The following NLGN1 variants were observed in gnomAD, a reference collection of about 807,000 sequenced individuals.
The protein encoded by NLGN1 is neuroligin 1.
Under a neutral mutation model 65.5 loss-of-function variants are expected in NLGN1, and 12 were observed. The ratio of observed to expected loss-of-function variants is 0.18; its 90% CI spans 0.12 to 0.30. NLGN1 has a LOEUF of 0.30. NLGN1 is among the 10% of genes least tolerant of loss of function. The pLI, the probability that NLGN1 is intolerant of heterozygous loss-of-function variation, is 1.00. For synonymous variants in NLGN1, 350 were observed against 359.5 expected (o/e 0.97, Z 0.30); for missense variants, 750 against 1,007.1 (o/e 0.74, Z 3.46).
chr3:173,698,617 T>C (rs528517266), intron 3 of NLGN1, among the ~76,000 whole-genome samples: 4 of 152,282 alleles, frequency 2.6e-5, no homozygotes, highest in African/African-American at 9.6e-5. Context: ...TACAAAAAAA[T>C]TGGTTTTCAA....
chr3:173,450,645 C>A (rs1721320994), intron 2 of NLGN1, among the ~76,000 whole-genome samples: 1 of 152,162 alleles, frequency 6.6e-6, no homozygotes, highest in Non-Finnish European at 1.5e-5. Flanking sequence ...TGGATAATAT[C>A]CTGCAGAATG....
intron 4 of NLGN1, among the ~76,000 whole-genome samples, chr3:173,880,811 A>G (rs1733083988): frequency 6.6e-6 from 1 of 152,088 alleles, no homozygotes; most frequent in Admixed American, 6.5e-5. Flanking sequence ...CTCATAACAG[A>G]CTTTTCTGTA....
At chr3:173,916,955 G>T (rs1165343471) in intron 4 of NLGN1, among the ~76,000 whole-genome samples, 2 of 152,136 alleles carry the variant, frequency 1.3e-5, no homozygotes, top group African/African-American at 4.8e-5. Flanking sequence ...GTAAATGTGG[G>T]TGTTTTGTTT....
At chr3:173,435,604 G>A (rs1055402198) in intron 2 of NLGN1, among the ~76,000 whole-genome samples, 1 of 152,178 alleles carries the variant, frequency 6.6e-6, no homozygotes, top group Non-Finnish European at 1.5e-5. Flanking sequence ...GGAGACTGAG[G>A]TGGGGGCATA....
intron 2 of NLGN1, among the ~76,000 whole-genome samples, chr3:173,557,331 C>T (rs1741879501): frequency 6.6e-6 from 1 of 151,974 alleles, no homozygotes; most frequent in East Asian, 1.9e-4. Flanking sequence ...ATTTTTAACC[C>T]ATTTCTGTCT....
At chr3:173,562,148 G>A (rs897781585) in intron 2 of NLGN1, among the ~76,000 whole-genome samples, 13 of 152,222 alleles carry the variant, frequency 8.5e-5, no homozygotes, top group African/African-American at 1.4e-4. Context: ...AAGGCAGCAC[G>A]TTTGACCAGA....
chr3:173,843,537 A>C (rs530966595), intron 4 of NLGN1, among the ~76,000 whole-genome samples: 1 of 152,224 alleles, frequency 6.6e-6, no homozygotes, highest in Non-Finnish European at 1.5e-5. Context: ...TTCATCTGCC[A>C]GATACCCTAA....
intron 4 of NLGN1, among the ~76,000 whole-genome samples, chr3:174,209,617 T>C (rs1200650347): frequency 7.0e-6 from 1 of 143,536 alleles, no homozygotes; most frequent in Non-Finnish European, 1.5e-5. Context: ...CTATCAACCT[T>C]TCTTTCTTTT....
At chr3:174,118,480 T>C (rs1717039279) in intron 4 of NLGN1, among the ~76,000 whole-genome samples, 1 of 152,172 alleles carries the variant, frequency 6.6e-6, no homozygotes, top group African/African-American at 2.4e-5. Context: ...GTACCTAATG[T>C]AGTGATAAAA....
At chr3:173,846,457 G>A (rs1365181657) in intron 4 of NLGN1, among the ~76,000 whole-genome samples, 1 of 152,156 alleles carries the variant, frequency 6.6e-6, no homozygotes, top group East Asian at 1.9e-4. Context: ...GAGTGGGAGA[G>A]GTGAGAGAAC....
intron 2 of NLGN1, among the ~76,000 whole-genome samples, chr3:173,580,899 G>A (rs1746292475): frequency 7.7e-6 from 1 of 129,934 alleles, no homozygotes; most frequent in African/African-American, 2.7e-5. Context: ...TGTGGTAGTT[G>A]GCTGTTTTAA....
chr3:173,995,826 C>G (rs1279881767), intron 4 of NLGN1, among the ~76,000 whole-genome samples: 1 of 151,582 alleles, frequency 6.6e-6, no homozygotes, highest in Admixed American at 6.6e-5. Context: ...ATCTGGGACT[C>G]CCGGTGCACA....
intron 1 of NLGN1, among the ~76,000 whole-genome samples, chr3:173,410,488 G>T (rs1471924700): frequency 6.6e-6 from 1 of 152,186 alleles, no homozygotes; most frequent in Non-Finnish European, 1.5e-5. Flanking sequence ...AAGATATGGT[G>T]TTCTACATCC....
At chr3:173,562,962 C>G (rs989990163) in intron 2 of NLGN1, among the ~76,000 whole-genome samples, 4 of 152,126 alleles carry the variant, frequency 2.6e-5, no homozygotes, top group African/African-American at 9.7e-5. Context: ...AACTATTTAT[C>G]TCACCAAAAC....
intron 3 of NLGN1, among the ~76,000 whole-genome samples, chr3:173,710,358 A>C (rs893668950): frequency 2.0e-5 from 3 of 152,216 alleles, no homozygotes; most frequent in Admixed American, 2.0e-4. Context: ...CACATTTAAA[A>C]AAAAATCTTT....
intron 4 of NLGN1, among the ~76,000 whole-genome samples, chr3:174,157,788 T>C (rs1161807177): frequency 1.3e-5 from 2 of 151,764 alleles, no homozygotes; most frequent in African/African-American, 2.4e-5. Flanking sequence ...TGCAAGGAGA[T>C]TGAAAACAGA....
chr3:173,803,370 G>A (rs1436940427), intron 3 of NLGN1, among the ~76,000 whole-genome samples: 2 of 152,048 alleles, frequency 1.3e-5, no homozygotes, highest in Admixed American at 6.6e-5. Context: ...TGTAATCCCA[G>A]CACTCTGGGA....
intron 4 of NLGN1, among the ~76,000 whole-genome samples, chr3:173,973,999 C>T (rs1265635177): frequency 2.6e-5 from 4 of 152,000 alleles, no homozygotes; most frequent in Non-Finnish European, 5.9e-5. Flanking sequence ...ACTAAGACCA[C>T]TCAGTAAACA....
intron 4 of NLGN1, among the ~76,000 whole-genome samples, chr3:174,233,010 T>G (rs1397095283): frequency 6.6e-6 from 1 of 152,184 alleles, no homozygotes; most frequent in Non-Finnish European, 1.5e-5. Flanking sequence ...TTTAATTTCC[T>G]TCAAAACCAA....
Sources: gnomAD v4.1 joint callset for allele counts (sites outside exome capture counted in the v4.1 genomes callset) on GRCh38, gnomAD v4.1.1 for gene constraint, MANE v1.5 for transcripts, NCBI Gene and HGNC (gene_info 2026-07-23, HGNC 2026-07-21) for gene names.